RYR3: variants seen among roughly 807,000 people sequenced by gnomAD.
The protein encoded by RYR3 is brain ryanodine receptor-calcium release channel.
Under a neutral mutation model 584.3 loss-of-function variants are expected in RYR3, and 207 were observed. The observed-to-expected ratio is 0.35, with a 90% CI of 0.32 to 0.40. The LOEUF is 0.40. Among genes scored for constraint, RYR3 ranks in the 10% least tolerant of loss-of-function variants. The pLI, the probability that RYR3 is intolerant of heterozygous loss-of-function variation, is 1.00. For synonymous variants in RYR3, 2,416 were observed against 2,248.5 expected, an observed-to-expected ratio of 1.07 and a Z score of -2.11; for missense variants, 5,616 against 6,089.2, an observed-to-expected ratio of 0.92 and a Z score of 2.59.
At chr15:33,771,870 G>C (rs1473808831) in intron 62 of RYR3, 50 bp from the exon 63 acceptor site, 1 of 1,383,748 alleles carries the variant, frequency 7.2e-7, no homozygotes, top group Non-Finnish European at 1.0e-6. Context: ...GAAGGGGATT[G>C]GCCAAAAGTT....
chr15:33,709,518 C>G (rs1465689142), intron 43 of RYR3, among the ~76,000 whole-genome samples: 1 of 152,152 alleles, frequency 6.6e-6, no homozygotes, highest in Non-Finnish European at 1.5e-5. Flanking sequence ...GAGATGGGGC[C>G]TAATTGGAGG....
rs11853352 is a variant in RYR3 at position 33,465,283 on chromosome 15, C to A, written c.52-8136C>A. ...CACATATCTGTATATCTATATCTATCGATAGATATCTATATCTATATTCAG... is the reference window on the plus strand; with the variant it reads ...CACATATCTGTATATCTATATCTATAGATAGATATCTATATCTATATTCAG... On this transcript the variant is annotated intron_variant, in intron 1 of 103. Coordinates refer to ENST00000634891, the MANE Select transcript of RYR3 (RefSeq NM_001036.6). Among the ~76,000 whole-genome samples the A allele has an allele frequency of 4.8e-3, 723 of 152,120 alleles. 6 individuals are homozygous for A. The highest frequency in any genetic ancestry group is 0.017 in the African/African-American group (687 of 41,506).
chr15:33,459,353 T>C (rs565658983), intron 1 of RYR3, among the ~76,000 whole-genome samples: 2 of 152,034 alleles, frequency 1.3e-5, no homozygotes, highest in African/African-American at 4.8e-5. Flanking sequence ...AGACCTGGGG[T>C]TCCCTTTTGC....
At chr15:33,800,064 C>T (rs2075840889) in intron 67 of RYR3, among the ~76,000 whole-genome samples, 2 of 152,234 alleles carry the variant, frequency 1.3e-5, no homozygotes, top group South Asian at 4.2e-4. Context: ...CGACTGAATT[C>T]CTGAAACTGC....
chr15:33,314,868 T>C (rs1288405863), intron 1 of RYR3, among the ~76,000 whole-genome samples: 3 of 151,872 alleles, frequency 2.0e-5, no homozygotes, highest in Middle Eastern at 3.4e-3. Context: ...GAGCCGAGAT[T>C]GCGCCACTGG....
At chr15:33,406,487 C>A (rs2043027799) in intron 1 of RYR3, among the ~76,000 whole-genome samples, 1 of 152,194 alleles carries the variant, frequency 6.6e-6, no homozygotes, top group African/African-American at 2.4e-5. Context: ...TATTTAGTTG[C>A]CTCTCAAGAA....
Position 33,750,210 on chromosome 15 carries a change from A to C in RYR3, c.8323A>C (p.Lys2775Gln), listed in dbSNP as rs1257134847. The change falls in exon 57 of 104, where the codon AAG becomes CAG. Residue 2775 changes from lysine (K) to glutamine (Q), a missense_variant. Lys to Gln is a moderately conservative substitution (Grantham distance 53). Around this residue, in one of 9 missense-constraint regions of RYR3, gnomAD observed 1,280 missense variants for 1,426.2 expected, o/e 0.90. Coordinates refer to ENST00000634891, the MANE Select transcript of RYR3 (RefSeq NM_001036.6). ...LLVPYDTLTA[K>Q]EKFKDREKAQ... is the part of the protein sequence containing the mutation. ...GGTACCATATGACACCTTGACTGCC[A>C]AGGAAAAGTTCAAGGACCGGGAGAA... 1.2e-6 allele frequency: 2 copies of C among 1,609,852 alleles called. No homozygotes were observed. The highest frequency in any genetic ancestry group is 1.7e-6 in the Non-Finnish European group (2 of 1,178,176).
At chr15:33,572,222 A>G (rs2058062438) in intron 12 of RYR3, among the ~76,000 whole-genome samples, 2 of 152,062 alleles carry the variant, frequency 1.3e-5, no homozygotes, top group African/African-American at 2.4e-5. Context: ...ACATGTTTTT[A>G]TATTGTTTCT....
intron 19 of RYR3, among the ~76,000 whole-genome samples, chr15:33,622,933 C>G (rs1417074717): frequency 6.6e-6 from 1 of 152,214 alleles, no homozygotes; most frequent in Admixed American, 6.5e-5. Flanking sequence ...TCTAACCTAA[C>G]CCATATATAT....
chr15:33,760,688 C>A (rs575817263), intron 60 of RYR3, among the ~76,000 whole-genome samples: 7 of 151,914 alleles, frequency 4.6e-5, no homozygotes, highest in African/African-American at 1.4e-4. Flanking sequence ...AATATTAGAT[C>A]AACGAGACAG....
chr15:33,581,468 A>T (rs1490750725), intron 13 of RYR3, 40 bp from the exon 14 acceptor site: 1 of 1,604,710 alleles, frequency 6.2e-7, no homozygotes, highest in Non-Finnish European at 8.5e-7. Flanking sequence ...GTGCTTTCTT[A>T]ATCAGCAATG....
intron 1 of RYR3, among the ~76,000 whole-genome samples, chr15:33,396,598 T>C (rs1053477235): frequency 6.6e-6 from 1 of 152,188 alleles, no homozygotes; most frequent in Non-Finnish European, 1.5e-5. Context: ...TTGCCATTGC[T>C]TTCAGTGGCA....
intron 12 of RYR3, among the ~76,000 whole-genome samples, chr15:33,575,194 C>T (rs1382183719): frequency 6.6e-6 from 1 of 152,086 alleles, no homozygotes; most frequent in African/African-American, 2.4e-5. Flanking sequence ...ACTTTAACTC[C>T]CCACTGTCAA....
intron 86 of RYR3, among the ~76,000 whole-genome samples, chr15:33,834,607 G>A (rs1251663128): frequency 6.6e-6 from 1 of 152,196 alleles, no homozygotes; most frequent in East Asian, 1.9e-4. Flanking sequence ...TCCTCCAAAG[G>A]CCTCTGAGGC....
At chr15:33,771,549 T>C (rs2073577539) in intron 62 of RYR3, among the ~76,000 whole-genome samples, 1 of 151,606 alleles carries the variant, frequency 6.6e-6, no homozygotes. Context: ...AAAAAAGTTG[T>C]TTATCCCACA....
At chr15:33,487,290 T>C (rs2572169) in intron 2 of RYR3, among the ~76,000 whole-genome samples, 96,606 of 151,392 alleles carry the variant, frequency 0.64, 31,749 homozygotes, top group African/African-American at 0.81. Context: ...AAGGCTGAGT[T>C]AGGTGAATGG....
intron 3 of RYR3, among the ~76,000 whole-genome samples, chr15:33,509,079 TTCATCTCATAAAC>T (rs2142850209): frequency 6.6e-6 from 1 of 152,320 alleles, no homozygotes; most frequent in South Asian, 2.1e-4. Context: ...AGGACATTCA[TTCATCTCATAAAC>T]TCACAAAAAA....
rs571514790 is a variant in RYR3 at position 33,496,305 on chromosome 15, C to G, written c.172-7326C>G. Among the ~76,000 whole-genome samples the G allele has an allele frequency of 1.6e-4, 25 of 152,256 alleles. No individual in the cohort carries two copies. The South Asian group carries it at 3.7e-3, about 23-fold the overall frequency. ...ACCTTCTACCAGCAGACATAATGCC[C>G]CTGGAGAAGTAGACTCTGTGTCTAC... On this transcript the variant is annotated intron_variant, in intron 2 of 103. Transcript: ENST00000634891.
chr15:33,854,034 A>G (rs11856108), intron 96 of RYR3, among the ~76,000 whole-genome samples: 7,382 of 152,048 alleles, frequency 0.049, 571 homozygotes, highest in African/African-American at 0.16. Flanking sequence ...TCTACTAATA[A>G]TATTTTTAAA....
Sources: allele counts gnomAD v4.1 joint callset (sites outside exome capture counted in the v4.1 genomes callset), GRCh38; gene constraint gnomAD v4.1.1; regional missense constraint gnomAD v4.1.1; transcripts MANE v1.5; gene names NCBI Gene and HGNC (gene_info 2026-07-23, HGNC 2026-07-21).